RARB: variants seen among roughly 807,000 people sequenced by gnomAD.
The protein encoded by RARB is retinoic acid receptor beta, also known as HBV-activated protein.
In RARB, 17 loss-of-function variants were observed where a neutral mutation model predicts 51.9. That is an observed-to-expected ratio of 0.33 (90% CI 0.22 to 0.49). The LOEUF is 0.49. RARB is among the 20% of genes least tolerant of loss of function. The pLI, the probability that RARB is intolerant of heterozygous loss-of-function variation, is 0.99. For missense variants in RARB, 369 were observed against 550.8 expected (o/e 0.67, Z 3.30); for synonymous variants, 215 against 195.4 (o/e 1.10, Z -0.84).
intron 5 of RARB, among the ~76,000 whole-genome samples, chr3:25,281,808 G>T (rs1399243984): frequency 6.6e-6 from 1 of 152,140 alleles, no homozygotes; most frequent in Admixed American, 6.5e-5. Context: ...AACCAGGAAG[G>T]TCTTTATCCC....
intron 5 of RARB, among the ~76,000 whole-genome samples, chr3:25,285,976 C>A (rs1487994260): frequency 2.6e-5 from 4 of 151,988 alleles, no homozygotes; most frequent in African/African-American, 9.7e-5. Context: ...AACCCCATCA[C>A]TTTTTCTGCC....
At chr3:25,125,904 C>T (rs1321190626) in intron 3 of RARB, among the ~76,000 whole-genome samples, 1 of 152,128 alleles carries the variant, frequency 6.6e-6, no homozygotes, top group Non-Finnish European at 1.5e-5. Flanking sequence ...CTGGCTTTTG[C>T]ATTCCATTTT....
chr3:25,152,681 G>C (rs960762811), intron 4 of RARB, among the ~76,000 whole-genome samples: 25 of 152,098 alleles, frequency 1.6e-4, no homozygotes, highest in African/African-American at 5.8e-4. Flanking sequence ...ACATTAAACT[G>C]TTTAATATTT....
chr3:25,390,816 C>T (rs1255290184), intron 5 of RARB, among the ~76,000 whole-genome samples: 2 of 152,078 alleles, frequency 1.3e-5, no homozygotes, highest in African/African-American at 4.8e-5. Flanking sequence ...TATTAGATGC[C>T]CAGAACCCTC....
intron 5 of RARB, among the ~76,000 whole-genome samples, chr3:25,303,160 G>A (rs942924611): frequency 7.9e-5 from 12 of 152,186 alleles, no homozygotes; most frequent in African/African-American, 2.9e-4. Flanking sequence ...AGCAGTTCCA[G>A]CCCCAAAGCC....
chr3:24,851,663 T>C (rs767567235), intron 1 of RARB, among the ~76,000 whole-genome samples: 2 of 152,218 alleles, frequency 1.3e-5, no homozygotes, highest in African/African-American at 4.8e-5. Context: ...TTACATCTTT[T>C]GATGGTAGAA....
intron 2 of RARB, among the ~76,000 whole-genome samples, chr3:24,896,502 G>A (rs189415255): frequency 4.2e-4 from 64 of 151,992 alleles, no homozygotes; most frequent in Non-Finnish European, 7.1e-4. Context: ...CTCCTGATCC[G>A]CCCGCCTCGG....
At chr3:24,881,985 A>T (rs761296190) in intron 2 of RARB, among the ~76,000 whole-genome samples, 2 of 152,220 alleles carry the variant, frequency 1.3e-5, no homozygotes, top group Non-Finnish European at 2.9e-5. Flanking sequence ...ATTATGTGCC[A>T]CATGACTCAG....
intron 5 of RARB, among the ~76,000 whole-genome samples, chr3:25,309,371 C>A (rs1364969309): frequency 1.3e-5 from 2 of 151,138 alleles, no homozygotes; most frequent in African/African-American, 2.4e-5. Context: ...GATCTCCTGA[C>A]CTCGTGATCC....
intron 2 of RARB, among the ~76,000 whole-genome samples, chr3:24,904,459 G>C (rs1380428577): frequency 6.6e-6 from 1 of 152,160 alleles, no homozygotes; most frequent in Non-Finnish European, 1.5e-5. Context: ...AAACCACAAT[G>C]AGATACCATC....
intron 2 of RARB, among the ~76,000 whole-genome samples, chr3:25,057,255 C>T (rs1276908755): frequency 6.6e-6 from 1 of 152,014 alleles, no homozygotes; most frequent in Non-Finnish European, 1.5e-5. Flanking sequence ...ACTTAGGATT[C>T]TTTTGCAATA....
intron 2 of RARB, among the ~76,000 whole-genome samples, chr3:24,897,112 C>T (rs183447867): frequency 5.1e-4 from 78 of 152,288 alleles, no homozygotes; most frequent in East Asian, 4.2e-3. Flanking sequence ...ATTAAATAAA[C>T]GTGTAAAGCC....
chr3:24,899,399 C>A (rs1430474881), intron 2 of RARB, among the ~76,000 whole-genome samples: 1 of 152,204 alleles, frequency 6.6e-6, no homozygotes, highest in East Asian at 1.9e-4. Flanking sequence ...CCCAGCGCTT[C>A]CAGCTCCTTC....
At chr3:24,878,980 A>T (rs932865541) in intron 2 of RARB, among the ~76,000 whole-genome samples, 3 of 152,146 alleles carry the variant, frequency 2.0e-5, no homozygotes, top group African/African-American at 7.2e-5. Flanking sequence ...CTTACTTTGT[A>T]TATCTAATAA....
At chr3:25,001,553 T>C (rs1261801979) in intron 2 of RARB, among the ~76,000 whole-genome samples, 2 of 152,138 alleles carry the variant, frequency 1.3e-5, no homozygotes, top group African/African-American at 2.4e-5. Context: ...AGTGATTGAC[T>C]GTGGCCCCAC....
chr3:25,039,199 A>G (rs973371036), intron 2 of RARB, among the ~76,000 whole-genome samples: 9 of 152,312 alleles, frequency 5.9e-5, no homozygotes, highest in African/African-American at 2.2e-4. Flanking sequence ...GATTAGAGGG[A>G]TACGTATGAA....
intron 3 of RARB, among the ~76,000 whole-genome samples, chr3:25,125,125 A>AT (rs750859454): frequency 3.3e-5 from 5 of 152,152 alleles, no homozygotes; most frequent in East Asian, 1.9e-4. Context: ...AAAAATATTG[A>AT]TTTTTTTCTA....
At chr3:25,220,006 A>C (rs1380622507) in intron 5 of RARB, among the ~76,000 whole-genome samples, 3 of 152,238 alleles carry the variant, frequency 2.0e-5, no homozygotes, top group African/African-American at 7.2e-5. Context: ...CTTTTGTTCT[A>C]AAGACAGTTA....
chr3:25,176,582 G>T (rs1471242851), intron 5 of RARB, among the ~76,000 whole-genome samples: 2 of 151,176 alleles, frequency 1.3e-5, no homozygotes, highest in Non-Finnish European at 2.9e-5. Context: ...TTTTAGTAGA[G>T]ACGTGGATTC....
Sources: allele counts gnomAD v4.1 joint callset (sites outside exome capture counted in the v4.1 genomes callset), GRCh38; gene constraint gnomAD v4.1.1; transcripts MANE v1.5; gene names NCBI Gene and HGNC (gene_info 2026-07-23, HGNC 2026-07-21).